The following C10orf67 variants were observed in gnomAD, a reference collection of about 807,000 sequenced individuals.
The protein encoded by C10orf67 is chromosome 10 open reading frame 67, also known as uncharacterized protein C10orf67, mitochondrial.
A neutral mutation model predicts 35.6 loss-of-function variants in C10orf67; 60 were observed. That is an observed-to-expected ratio of 1.68 (90% confidence interval 1.37 to 2.09). The LOEUF (loss-of-function observed/expected upper bound fraction) is 2.09. Ranked by LOEUF, C10orf67 falls within the 30% of genes most tolerant of loss-of-function variation. The pLI, the probability that C10orf67 is intolerant of heterozygous loss-of-function variation, is 0.00. For synonymous variants in C10orf67, 167 were observed against 115.8 expected (o/e 1.44, Z -2.84); for missense variants, 474 against 330.2 (o/e 1.44, Z -3.38).
At chr10:23,209,250 G>A (rs1293397764) in intron 15 of C10orf67, among the ~76,000 whole-genome samples, 5 of 152,070 alleles carry the variant, frequency 3.3e-5, no homozygotes, top group East Asian at 3.9e-4. Context: ...AAAGTGAAGC[G>A]AAATATGAAA....
chr10:23,337,968 C>T (rs775782200), intron 1 of C10orf67, among the ~76,000 whole-genome samples: 2 of 152,118 alleles, frequency 1.3e-5, no homozygotes, highest in Non-Finnish European at 2.9e-5. Flanking sequence ...TGAAGGATGG[C>T]CAGAATTATG....
chr10:23,251,819 C>A lies in C10orf67; in HGVS notation c.1201-1128G>T, dbSNP rs538629340. ...TAGCTTATCTGGCAAGAAAATAAACCAAGGTAAATACAAATTTTCAAATTA... is the reference window on the plus strand; with the variant it reads ...TAGCTTATCTGGCAAGAAAATAAACAAAGGTAAATACAAATTTTCAAATTA... On this transcript the variant is annotated intron_variant, in intron 10 of 15. Transcript: ENST00000636213. 1.3e-4 allele frequency among the ~76,000 whole-genome samples: 20 copies of A among 152,106 alleles called. No homozygotes were observed. In the South Asian group the frequency reaches 4.1e-3, roughly 32 times the overall value.
chr10:23,279,923 A>G (rs963974556), intron 8 of C10orf67, among the ~76,000 whole-genome samples: 1 of 152,162 alleles, frequency 6.6e-6, no homozygotes, highest in Admixed American at 6.5e-5. Context: ...CAATCAGCTC[A>G]CTGCAGTGTC....
At chr10:23,239,985 A>G (rs113694534) in intron 12 of C10orf67, among the ~76,000 whole-genome samples, 169 bp from the exon 13 acceptor site, 1 of 152,186 alleles carries the variant, frequency 6.6e-6, no homozygotes, top group Non-Finnish European at 1.5e-5. Context: ...TTAAAACTAC[A>G]TGTTGCCTGG....
intron 4 of C10orf67, among the ~76,000 whole-genome samples, chr10:23,315,018 A>C (rs900688040): frequency 1.3e-5 from 2 of 152,234 alleles, no homozygotes; most frequent in Admixed American, 1.3e-4. Context: ...AAAAGTGTAT[A>C]TAGCACTTCG....
intron 13 of C10orf67, among the ~76,000 whole-genome samples, chr10:23,229,040 T>C (rs1006339495): frequency 1.3e-5 from 2 of 152,082 alleles, no homozygotes; most frequent in East Asian, 1.9e-4. Context: ...TCCTCAAGGA[T>C]CTAGAACTAG....
chr10:23,225,724 T>G (rs1841718117), intron 13 of C10orf67, among the ~76,000 whole-genome samples: 1 of 152,100 alleles, frequency 6.6e-6, no homozygotes, highest in Non-Finnish European at 1.5e-5. Flanking sequence ...GCAATCCTAG[T>G]CTCTGATAAA....
chr10:23,304,334 A>T (rs1844194807), intron 4 of C10orf67, among the ~76,000 whole-genome samples: 3 of 152,108 alleles, frequency 2.0e-5, no homozygotes. Context: ...TGTGCCCCAA[A>T]GGCAGGCCCA....
chr10:23,331,258 A>C lies in C10orf67; in HGVS notation c.327+1804T>G, dbSNP rs1468275402. On this transcript the variant is annotated intron_variant, in intron 2 of 15. Coordinates refer to ENST00000636213, the MANE Select transcript of C10orf67 (RefSeq NM_001371909.1). ...GGAAGGGAAGGGAAGGGAAGAGGGAAGGGAAGGGAAGAGGGAAGGGAAGGG... is the reference window on the plus strand; with the variant it reads ...GGAAGGGAAGGGAAGGGAAGAGGGACGGGAAGGGAAGAGGGAAGGGAAGGG... Among the ~76,000 whole-genome samples, 10 of 4,722 alleles carry C rather than the reference A, an allele frequency of 2.1e-3. 1 individual carries two copies. Among genetic ancestry groups the C allele is most frequent in the South Asian group, 0.01 (1 of 96 alleles). 3.1% of individuals were successfully genotyped at this position (4,722 alleles called of 152,430 possible). A position where few individuals can be genotyped will look rare whatever the true frequency, so the allele number is the denominator to read the frequency against.
chr10:23,247,287 A>G (rs1000220582), intron 12 of C10orf67, among the ~76,000 whole-genome samples: 1 of 152,140 alleles, frequency 6.6e-6, no homozygotes, highest in African/African-American at 2.4e-5. Context: ...TGCCTTATAC[A>G]GGTGGACCAT....
intron 10 of C10orf67, among the ~76,000 whole-genome samples, chr10:23,253,725 T>G (rs555618697): frequency 6.6e-6 from 1 of 152,300 alleles, no homozygotes; most frequent in Admixed American, 6.5e-5. Context: ...TAAGGCTCCC[T>G]TTTTCCAGCT....
intron 13 of C10orf67, among the ~76,000 whole-genome samples, chr10:23,235,085 T>G (rs1292348170): frequency 6.6e-6 from 1 of 151,512 alleles, no homozygotes; most frequent in African/African-American, 2.4e-5. Context: ...TTTCAAGATT[T>G]ACTAGGAAAG....
At chr10:23,257,010 C>A (rs1842619262) in intron 10 of C10orf67, among the ~76,000 whole-genome samples, 1 of 152,164 alleles carries the variant, frequency 6.6e-6, no homozygotes, top group Non-Finnish European at 1.5e-5. Context: ...GGATGGGCAG[C>A]AGAGTCTCTT....
intron 15 of C10orf67, among the ~76,000 whole-genome samples, chr10:23,213,082 C>G (rs536014394): frequency 6.8e-4 from 103 of 151,964 alleles, no homozygotes; most frequent in African/African-American, 2.5e-3. Context: ...GAAAAAGAAC[C>G]AATTAAAATT....
chr10:23,246,236 C>T (rs934253161), intron 12 of C10orf67, among the ~76,000 whole-genome samples: 3 of 152,112 alleles, frequency 2.0e-5, no homozygotes, highest in Admixed American at 2.0e-4. Context: ...GAATGAAAAA[C>T]TACCTATCAG....
At chr10:23,217,988 C>T (rs1221107990) in intron 15 of C10orf67, among the ~76,000 whole-genome samples, 1 of 152,178 alleles carries the variant, frequency 6.6e-6, no homozygotes, top group Admixed American at 6.5e-5. Flanking sequence ...TTTTCAATCC[C>T]AATCTGACCT....
intron 10 of C10orf67, among the ~76,000 whole-genome samples, chr10:23,258,949 A>G (rs942696959): frequency 1.4e-4 from 21 of 152,350 alleles, no homozygotes; most frequent in Admixed American, 1.3e-4. Context: ...AGAATACAGT[A>G]TGTCTTTTTA....
intron 9 of C10orf67, 97 bp from the exon 10 acceptor site, chr10:23,266,523 G>A (rs1299904433): frequency 2.5e-6 from 1 of 397,070 alleles, no homozygotes; most frequent in East Asian, 3.6e-5. Context: ...AGCTGGAATT[G>A]CAGAACTGAG....
intron 1 of C10orf67, among the ~76,000 whole-genome samples, chr10:23,338,615 A>G (rs1281460999): frequency 6.6e-6 from 1 of 152,182 alleles, no homozygotes; most frequent in African/African-American, 2.4e-5. Context: ...TCACAGCAAA[A>G]GACAGGCAGC....
Sources: gnomAD v4.1 joint callset for allele counts (sites outside exome capture counted in the v4.1 genomes callset) on GRCh38, gnomAD v4.1.1 for gene constraint, MANE v1.5 for transcripts, NCBI Gene and HGNC (gene_info 2026-07-23, HGNC 2026-07-21) for gene names.